Variants in PLXDC2 observed in about 807,000 individuals in gnomAD.
PLXDC2 encodes plexin domain-containing protein 2.
Under a neutral mutation model 68.9 loss-of-function variants are expected in PLXDC2, and 40 were observed. That is an observed-to-expected ratio of 0.58 (90% CI 0.45 to 0.76). The LOEUF (loss-of-function observed/expected upper bound fraction) is 0.76. Ranked by LOEUF, PLXDC2 falls within the 30% of genes least tolerant of loss-of-function variation. The pLI is 0.00. For synonymous variants in PLXDC2, 243 were observed against 234.2 expected, an observed-to-expected ratio of 1.04 and a Z score of -0.34; for missense variants, 644 against 661.9, an observed-to-expected ratio of 0.97 and a Z score of 0.30.
chr10:20,250,212 G>A (rs1302114213), intron 13 of PLXDC2, among the ~76,000 whole-genome samples: 1 of 148,648 alleles, frequency 6.7e-6, no homozygotes, highest in East Asian at 2.0e-4. Context: ...AGGTTGTAGT[G>A]AGCCAAGATC....
At chr10:20,096,336 A>AT (rs1280900631) in intron 4 of PLXDC2, among the ~76,000 whole-genome samples, 1 of 152,198 alleles carries the variant, frequency 6.6e-6, no homozygotes, top group Non-Finnish European at 1.5e-5. Flanking sequence ...TAGATAATAA[A>AT]ATCACGCTGA....
At chr10:20,101,493 C>T (rs1833421163) in intron 4 of PLXDC2, among the ~76,000 whole-genome samples, 1 of 152,172 alleles carries the variant, frequency 6.6e-6, no homozygotes, top group Non-Finnish European at 1.5e-5. Flanking sequence ...ATCTTGAAAG[C>T]TGATTTCACC....
At chr10:20,100,726 C>G (rs1210246730) in intron 4 of PLXDC2, among the ~76,000 whole-genome samples, 1 of 151,918 alleles carries the variant, frequency 6.6e-6, no homozygotes, top group Admixed American at 6.6e-5. Flanking sequence ...ATATTTTTTG[C>G]CAAAAATTTG....
chr10:19,860,705 T>G (rs1837302987), intron 1 of PLXDC2, among the ~76,000 whole-genome samples: 2 of 152,178 alleles, frequency 1.3e-5, no homozygotes, highest in African/African-American at 4.8e-5. Flanking sequence ...AGATCCTCAC[T>G]AAATATGTGT....
intron 1 of PLXDC2, among the ~76,000 whole-genome samples, chr10:19,945,632 A>G (rs777911183): frequency 1.3e-4 from 20 of 152,018 alleles, no homozygotes; most frequent in Non-Finnish European, 2.9e-4. Flanking sequence ...TGTGACCTGA[A>G]TTGTCTGTGG....
At chr10:19,918,386 G>T (rs1371654292) in intron 1 of PLXDC2, among the ~76,000 whole-genome samples, 1 of 152,146 alleles carries the variant, frequency 6.6e-6, no homozygotes, top group Non-Finnish European at 1.5e-5. Context: ...GAGAAGAACA[G>T]GGCAGGTAGA....
At chr10:19,914,387 T>C (rs1294889876) in intron 1 of PLXDC2, among the ~76,000 whole-genome samples, 1 of 152,204 alleles carries the variant, frequency 6.6e-6, no homozygotes, top group Non-Finnish European at 1.5e-5. Flanking sequence ...CAGTAGATAT[T>C]CCATTGATTT....
intron 1 of PLXDC2, among the ~76,000 whole-genome samples, chr10:19,933,894 AAG>A (rs1833681962): frequency 6.6e-6 from 1 of 151,544 alleles, no homozygotes; most frequent in South Asian, 2.1e-4. Flanking sequence ...AAAGGAAGGA[AAG>A]AGAAAGAAAG....
intron 1 of PLXDC2, among the ~76,000 whole-genome samples, chr10:19,898,452 G>T (rs566905499): frequency 7.5e-4 from 114 of 152,282 alleles, no homozygotes; most frequent in African/African-American, 2.5e-3. Flanking sequence ...GTACACATAT[G>T]TCTTGCAAGC....
intron 4 of PLXDC2, among the ~76,000 whole-genome samples, chr10:20,069,582 G>A (rs1362507933): frequency 2.0e-5 from 3 of 152,130 alleles, no homozygotes; most frequent in African/African-American, 7.2e-5. Flanking sequence ...TTGAGGCCAG[G>A]AGTTTGAGGC....
intron 1 of PLXDC2, among the ~76,000 whole-genome samples, chr10:19,907,701 C>T (rs931705867): frequency 1.3e-5 from 2 of 152,174 alleles, no homozygotes; most frequent in African/African-American, 4.8e-5. Context: ...CAACTTACTC[C>T]AGTGCTCTTC....
intron 12 of PLXDC2, among the ~76,000 whole-genome samples, chr10:20,229,858 C>G (rs1835337112): frequency 1.3e-5 from 2 of 152,070 alleles, no homozygotes; most frequent in Admixed American, 1.3e-4. Flanking sequence ...AATAAATTAA[C>G]AACTTGTTGG....
At chr10:19,896,772 G>A (rs1022529235) in intron 1 of PLXDC2, among the ~76,000 whole-genome samples, 2 of 152,142 alleles carry the variant, frequency 1.3e-5, no homozygotes, top group African/African-American at 4.8e-5. Context: ...TCTTCCTTAA[G>A]GTGTCTGCAT....
chr10:20,275,630 G>C (rs1270425147), intron 13 of PLXDC2, among the ~76,000 whole-genome samples: 1 of 152,022 alleles, frequency 6.6e-6, no homozygotes. Context: ...AAGGAAGGAA[G>C]GGTCGGGCGC....
At chr10:19,882,447 A>G (rs912325594) in intron 1 of PLXDC2, among the ~76,000 whole-genome samples, 2 of 152,208 alleles carry the variant, frequency 1.3e-5, no homozygotes, top group African/African-American at 4.8e-5. Flanking sequence ...TGGAAAAGCA[A>G]AGGAAGAGGT....
At chr10:20,228,569 A>G (rs1835316367) in intron 12 of PLXDC2, among the ~76,000 whole-genome samples, 1 of 149,950 alleles carries the variant, frequency 6.7e-6, no homozygotes, top group African/African-American at 2.5e-5. Flanking sequence ...AAAAATTAAA[A>G]AATAAGAAAA....
chr10:20,230,429 C>T (rs565057573), intron 12 of PLXDC2, among the ~76,000 whole-genome samples: 16 of 152,050 alleles, frequency 1.1e-4, no homozygotes, highest in African/African-American at 2.9e-4. Flanking sequence ...CAGCAATCTG[C>T]GGGGCCGAGG....
At chr10:20,239,678 C>T (rs1226563963) in intron 12 of PLXDC2, among the ~76,000 whole-genome samples, 1 of 152,160 alleles carries the variant, frequency 6.6e-6, no homozygotes, top group Non-Finnish European at 1.5e-5. Flanking sequence ...CAGAGCCAAA[C>T]CATATCAAGC....
At chr10:20,241,657 T>C (rs1173609526) in intron 12 of PLXDC2, among the ~76,000 whole-genome samples, 1 of 152,048 alleles carries the variant, frequency 6.6e-6, no homozygotes, top group Non-Finnish European at 1.5e-5. Context: ...CACATGCCTG[T>C]AGCCTCAGCT....
Sources: allele counts gnomAD v4.1 joint callset (sites outside exome capture counted in the v4.1 genomes callset), GRCh38; gene constraint gnomAD v4.1.1; transcripts MANE v1.5; gene names NCBI Gene and HGNC (gene_info 2026-07-23, HGNC 2026-07-21).